The following PAK5 variants were observed in gnomAD, a reference collection of about 807,000 sequenced individuals.
PAK5 encodes the protein p21 (RAC1) activated kinase 5, also known as serine/threonine-protein kinase PAK 5.
In PAK5, 16 loss-of-function variants were observed where a neutral mutation model predicts 65.9. That is an observed-to-expected ratio of 0.24 (90% CI 0.16 to 0.37). The LOEUF (loss-of-function observed/expected upper bound fraction) is 0.37, where lower values mean the gene tolerates loss of function less well. PAK5 is among the 10% of genes least tolerant of loss of function. The pLI is 1.00. For missense variants in PAK5, 785 were observed against 903.9 expected (o/e 0.87, Z 1.69); for synonymous variants, 371 against 354.9 (o/e 1.05, Z -0.51).
chr20:9,690,746 CTTTCTT>C (rs2047782798), intron 2 of PAK5, among the ~76,000 whole-genome samples: 1 of 117,938 alleles, frequency 8.5e-6, no homozygotes, highest in East Asian at 2.3e-4. Flanking sequence ...TTCTTTCTTT[CTTTCTT>C]TTTTTTTTTT....
chr20:9,724,385 T>C (rs1309452109), intron 1 of PAK5, among the ~76,000 whole-genome samples: 1 of 152,142 alleles, frequency 6.6e-6, no homozygotes, highest in Non-Finnish European at 1.5e-5. Flanking sequence ...GATATTCTCT[T>C]GCACATTAAG....
chr20:9,739,197 G>A (rs996593422), intron 1 of PAK5, among the ~76,000 whole-genome samples: 13 of 150,368 alleles, frequency 8.6e-5, no homozygotes, highest in African/African-American at 1.2e-4. Flanking sequence ...TCTTTCTGCA[G>A]TTGAATCAAC....
intron 2 of PAK5, among the ~76,000 whole-genome samples, chr20:9,669,370 T>C (rs1276438148): frequency 6.6e-6 from 1 of 152,180 alleles, no homozygotes; most frequent in East Asian, 1.9e-4. Flanking sequence ...TTAAAGAAAC[T>C]GAATTTCCCT....
intron 1 of PAK5, among the ~76,000 whole-genome samples, chr20:9,802,019 C>T (rs1398541648): frequency 5.3e-5 from 8 of 152,142 alleles, no homozygotes; most frequent in Non-Finnish European, 1.5e-5. Flanking sequence ...TCACAAAGAA[C>T]CATCTTCTGA....
At chr20:9,612,072 T>C (rs1297914516) in intron 3 of PAK5, among the ~76,000 whole-genome samples, 1 of 152,058 alleles carries the variant, frequency 6.6e-6, no homozygotes, top group Non-Finnish European at 1.5e-5. Flanking sequence ...AGGCACAGGG[T>C]GTCTGGCCCC....
Position 9,748,475 on chromosome 20 carries a change from A to G in PAK5, c.-161-37040T>C, listed in dbSNP as rs186258886. ...ACAGTAACCAAAACAGCATGGTACT[A>G]GTACCAAAACAGAGATATAGATCAA... On this transcript the variant is annotated intron_variant, in intron 1 of 9. Transcript: ENST00000353224. Among the ~76,000 whole-genome samples the G allele has an allele frequency of 7.8e-4, 119 of 152,174 alleles. 8 individuals carry two copies. The East Asian group carries it at 0.021, about 26-fold the overall frequency.
At position 9,743,684 on chromosome 20, in the gene PAK5, T is replaced by C. The variant is rs112490491; in HGVS notation, c.-161-32249A>G. 6.5e-3 allele frequency among the ~76,000 whole-genome samples: 995 copies of C among 152,254 alleles called. 13 individuals carry two copies. Among genetic ancestry groups the C allele is most frequent in the African/African-American group, 0.023 (952 of 41,560 alleles). On this transcript the variant is annotated intron_variant, in intron 1 of 9. Transcript: ENST00000353224. ...AGTGACATTTCTATGTTGGGTAGGG[T>C]CCATGATGCTTTGTGGAACAACAAT... is the stretch of plus-strand genomic sequence containing the variant.
intron 1 of PAK5, among the ~76,000 whole-genome samples, chr20:9,785,429 G>A (rs964954541): frequency 6.6e-6 from 1 of 152,180 alleles, no homozygotes; most frequent in African/African-American, 2.4e-5. Flanking sequence ...ATGATGAAAT[G>A]TGCTAGCTCA....
chr20:9,810,874 T>C (rs2206488), intron 1 of PAK5, among the ~76,000 whole-genome samples: 93,699 of 152,034 alleles, frequency 0.62, 29,153 homozygotes, highest in South Asian at 0.7. Flanking sequence ...CATATATACA[T>C]ACACATGCAT....
rs756436595 is a variant in PAK5, at chr20:9,580,702, T to C, written c.433A>G (p.Lys145Glu). 6.2e-7 allele frequency: 1 copy of C among 1,614,054 alleles called. No homozygotes were observed. The highest frequency in any genetic ancestry group is 8.5e-7 in the Non-Finnish European group (1 of 1,180,004). ...SDTTADYTTE[K>E]YREKSLYGDD... ...CCATAGAGACTCTTCTCCCTGTACT[T>C]TTCGGTCGTGTAGTCAGCAGTAGTA... The change falls in exon 4 of 10, where the codon AAG becomes GAG. Residue 145 changes from lysine to glutamate, a missense_variant. Around this residue, in one of 4 missense-constraint regions of PAK5, gnomAD observed 422 missense variants for 413.3 expected, o/e 1.02. Transcript: ENST00000353224.
chr20:9,688,757 C>CA (rs992797257), intron 2 of PAK5, among the ~76,000 whole-genome samples: 26 of 151,648 alleles, frequency 1.7e-4, no homozygotes, highest in African/African-American at 5.1e-4. Context: ...TCCCCACTAG[C>CA]AAAAAAAATC....
Position 9,580,521 on chromosome 20 carries a change from G to A in PAK5, c.614C>T (p.Ser205Leu). The change falls in exon 4 of 10, where the codon TCA becomes TTA. Residue 205 changes from serine (S) to leucine (L), a missense_variant. This residue lies in a region of PAK5 where 422 missense variants were observed against 413.3 expected (regional missense o/e 1.02). Coordinates refer to ENST00000353224, the MANE Select transcript of PAK5 (RefSeq NM_177990.4). ...FSADYHSHLD[S>L]LSKPSEYSDL... ...ACTGTATTCACTTGGTTTGCTCAGT[G>A]AGTCCAAATGTGAGTGATAATCGGC... The A allele has an allele frequency of 6.2e-7, 1 of 1,614,160 alleles. No homozygotes were observed. Among genetic ancestry groups the A allele is most frequent in the Non-Finnish European group, 8.5e-7 (1 of 1,180,028 alleles).
At chr20:9,812,731 A>C (rs545603249) in intron 1 of PAK5, among the ~76,000 whole-genome samples, 28 of 152,348 alleles carry the variant, frequency 1.8e-4, no homozygotes, top group African/African-American at 6.3e-4. Flanking sequence ...TAGAAGGAAT[A>C]AGATCTAATG....
intron 1 of PAK5, among the ~76,000 whole-genome samples, chr20:9,739,228 CT>C (rs55690747): frequency 7.8e-4 from 114 of 145,664 alleles, no homozygotes; most frequent in Non-Finnish European, 9.6e-4. Context: ...TCTTTGCTTT[CT>C]TTTTTTTTTT....
intron 3 of PAK5, among the ~76,000 whole-genome samples, chr20:9,592,581 CA>C (rs1279290489): frequency 4.6e-5 from 7 of 152,142 alleles, no homozygotes; most frequent in Non-Finnish European, 7.4e-5. Flanking sequence ...ATTCCTTTGT[CA>C]AAATACATTG....
chr20:9,604,170 T>C (rs1263926286), intron 3 of PAK5, among the ~76,000 whole-genome samples: 2 of 152,206 alleles, frequency 1.3e-5, no homozygotes, highest in East Asian at 3.8e-4. Flanking sequence ...TAGTTCCTTG[T>C]CAATGACAAA....
intron 1 of PAK5, among the ~76,000 whole-genome samples, chr20:9,788,847 G>T (rs961144522): frequency 1.3e-5 from 2 of 152,074 alleles, no homozygotes; most frequent in African/African-American, 2.4e-5. Context: ...AAACCCAGGG[G>T]GGTAAAACTT....
chr20:9,773,225 C>T (rs2048853069), intron 1 of PAK5, among the ~76,000 whole-genome samples: 1 of 152,050 alleles, frequency 6.6e-6, no homozygotes, highest in Admixed American at 6.6e-5. Context: ...TGCATTGGTT[C>T]TCTTTAAGTT....
chr20:9,688,355 T>A (rs2047748150), intron 2 of PAK5, among the ~76,000 whole-genome samples: 1 of 152,036 alleles, frequency 6.6e-6, no homozygotes, highest in East Asian at 1.9e-4. Flanking sequence ...ACAGAGAATC[T>A]CTTTAAACTC....
Sources: gnomAD v4.1 joint callset for allele counts (sites outside exome capture counted in the v4.1 genomes callset) on GRCh38, gnomAD v4.1.1 for gene constraint, gnomAD v4.1.1 regional missense constraint, MANE v1.5 for transcripts, NCBI Gene and HGNC (gene_info 2026-07-23, HGNC 2026-07-21) for gene names.